Variants in LIN54 observed in about 807,000 individuals in gnomAD.
LIN54 encodes the protein lin-54 DREAM MuvB core complex component.
In LIN54, 9 loss-of-function variants were observed where a neutral mutation model predicts 78.7. The observed-to-expected ratio is 0.11, with a 90% CI of 0.07 to 0.20. The LOEUF is 0.20. Among genes scored for constraint, LIN54 ranks in the 10% least tolerant of loss-of-function variants. The pLI, the probability that LIN54 is intolerant of heterozygous loss-of-function variation, is 1.00. For missense variants in LIN54, 573 were observed against 889.9 expected, an observed-to-expected ratio of 0.64 and a Z score of 4.53; for synonymous variants, 269 against 318.4, an observed-to-expected ratio of 0.84 and a Z score of 1.65.
intron 1 of LIN54, among the ~76,000 whole-genome samples, chr4:82,992,609 C>A (rs1448861142): frequency 2.0e-5 from 3 of 152,196 alleles, no homozygotes; most frequent in African/African-American, 4.8e-5. Flanking sequence ...AACCACGACA[C>A]AGTGGCGTGA....
intron 4 of LIN54, among the ~76,000 whole-genome samples, chr4:82,959,704 T>C (rs1294949809): frequency 6.6e-6 from 1 of 152,164 alleles, no homozygotes; most frequent in African/African-American, 2.4e-5. Context: ...CAAAAATTAC[T>C]TCTTGTGTCC....
upstream of LIN54, among the ~76,000 whole-genome samples, chr4:83,012,292 G>T (rs1290704961): frequency 1.3e-5 from 2 of 152,244 alleles, no homozygotes; most frequent in Non-Finnish European, 1.5e-5. Flanking sequence ...TTGGCTGGTG[G>T]GCTTCGCGAG....
intron 5 of LIN54, among the ~76,000 whole-genome samples, chr4:82,944,330 C>T (rs371299490): frequency 6.6e-5 from 10 of 152,162 alleles, no homozygotes; most frequent in African/African-American, 2.4e-4. Context: ...TACAAACACA[C>T]ACATAAAATA....
chr4:82,934,177 TG>T (rs2126031209), intron 11 of LIN54, among the ~76,000 whole-genome samples: 2 of 152,204 alleles, frequency 1.3e-5, no homozygotes, highest in East Asian at 3.9e-4. Context: ...GGCTGATGGG[TG>T]GGCGGATCAC....
chr4:82,958,070 T>C (rs1724485431), intron 4 of LIN54, among the ~76,000 whole-genome samples: 1 of 152,212 alleles, frequency 6.6e-6, no homozygotes, highest in African/African-American at 2.4e-5. Flanking sequence ...TTGCAAGCTG[T>C]TCAACGTAAG....
At position 82,984,320 on chromosome 4, in the gene LIN54, A is replaced by G. The variant is rs780596152; in HGVS notation, c.525T>C (p.Asp175=). 6.2e-7 allele frequency: 1 copy of G among 1,614,110 alleles called. No individual in the cohort carries two copies. Among genetic ancestry groups the G allele is most frequent in the Non-Finnish European group, 8.5e-7 (1 of 1,180,028 alleles). The change falls in exon 2 of 13, where the codon GAT becomes GAC. Residue 175 remains aspartate (D), a synonymous_variant. Transcript: ENST00000340417. The stretch of plus-strand genomic sequence containing the variant: ...TAATTTGCTGCGGTGGTAACTTAGC[A>G]TCTCCTGACTGGGCCTGAGTTGTAA... The part of the protein sequence containing the change: ...QKVTTQAQSG[D]AKLPPQQIKV...
chr4:82,945,187 T>A (rs1723259033), intron 5 of LIN54, among the ~76,000 whole-genome samples: 1 of 152,110 alleles, frequency 6.6e-6, no homozygotes, highest in Admixed American at 6.5e-5. Flanking sequence ...AATCAAAGAG[T>A]AACCAACTAG....
chr4:82,972,083 C>T (rs915270038), intron 3 of LIN54, among the ~76,000 whole-genome samples: 5 of 152,158 alleles, frequency 3.3e-5, no homozygotes, highest in Non-Finnish European at 7.3e-5. Context: ...AGACAGGGGT[C>T]TCCCTCAGTC....
chr4:82,974,345 T>C (rs1281768783), intron 3 of LIN54, among the ~76,000 whole-genome samples: 3 of 151,924 alleles, frequency 2.0e-5, no homozygotes, highest in South Asian at 2.1e-4. Context: ...CATAAATACA[T>C]TGGAACATAA....
Position 82,958,488 on chromosome 4 carries a change from A to G in LIN54, c.951+11839T>C, listed in dbSNP as rs1434766378. 2.6e-5 allele frequency among the ~76,000 whole-genome samples: 4 copies of G among 152,094 alleles called. No individual in the cohort carries two copies. In the South Asian group the frequency reaches 6.2e-4, roughly 24 times the overall value. ...CTTCCAGCTCACTGGAATGGCAATA[A>G]CCATCAGGGAGACTGGAAATATCAC... On this transcript the variant is annotated intron_variant, in intron 4 of 12. Coordinates refer to ENST00000340417, the MANE Select transcript of LIN54 (RefSeq NM_194282.4).
At chr4:82,997,793 G>C (rs907136800) in intron 1 of LIN54, among the ~76,000 whole-genome samples, 1 of 151,456 alleles carries the variant, frequency 6.6e-6, no homozygotes, top group South Asian at 2.1e-4. Context: ...AGGAGTTTGA[G>C]ACCAGCCTGG....
chr4:82,924,860 T>TACAA lies in LIN54; in HGVS notation c.*3238_*3241dup, dbSNP rs1283722231. 4 of 152,656 alleles carry TACAA rather than the reference T, an allele frequency of 2.6e-5. No individual in the cohort carries two copies. The highest frequency in any genetic ancestry group is 5.9e-5 in the Non-Finnish European group (4 of 68,040). The allele number at this position is 152,656 out of a possible 1,614,324, so 9.5% of individuals were successfully genotyped here. A position where few individuals can be genotyped will look rare whatever the true frequency, so the allele number is the denominator to read the frequency against. On this transcript the variant is annotated 3_prime_UTR_variant, in exon 13 of 13. Coordinates refer to ENST00000340417, the MANE Select transcript of LIN54 (RefSeq NM_194282.4). The stretch of plus-strand genomic sequence containing the variant: ...ATTCCTATATAAAATGCTTAAGAGA[T>TACAA]ACAACATGATCAAAGTTATGGCCGG...
upstream of LIN54, among the ~76,000 whole-genome samples, chr4:83,011,783 G>A (rs1729868220): frequency 6.8e-6 from 1 of 146,202 alleles, no homozygotes; most frequent in South Asian, 2.2e-4. Flanking sequence ...CAAAACATAA[G>A]CTGCAAGGCT....
rs1310398465 is a variant in LIN54 at position 82,998,320 on chromosome 4, A to G, written c.-33+12164T>C. Reference sequence around the variant, plus strand: ...AGCACTTTGGGAGGCTGAGGCGGACAGATCACGAGGTCAGGAGTTCAAGAA... The same window carrying G: ...AGCACTTTGGGAGGCTGAGGCGGACGGATCACGAGGTCAGGAGTTCAAGAA... On this transcript the variant is annotated intron_variant, in intron 1 of 12. Coordinates refer to ENST00000340417, the MANE Select transcript of LIN54 (RefSeq NM_194282.4). Among the ~76,000 whole-genome samples the G allele has an allele frequency of 5.2e-3, 789 of 151,594 alleles. 6 individuals carry two copies. Among genetic ancestry groups the G allele is most frequent in the Non-Finnish European group, 7.5e-3 (510 of 67,714 alleles).
At chr4:83,006,178 A>T (rs1729344770) in intron 1 of LIN54, among the ~76,000 whole-genome samples, 1 of 152,100 alleles carries the variant, frequency 6.6e-6, no homozygotes, top group South Asian at 2.1e-4. Flanking sequence ...GGCTGGGTGC[A>T]GTGGCTCACG....
intron 4 of LIN54, among the ~76,000 whole-genome samples, chr4:82,956,941 C>T (rs1724386195): frequency 1.3e-5 from 2 of 152,032 alleles, no homozygotes. Flanking sequence ...ACTTCTTTAT[C>T]CTGGCTAATG....
intron 1 of LIN54, among the ~76,000 whole-genome samples, chr4:82,989,919 A>G (rs901334919): frequency 6.6e-6 from 1 of 152,218 alleles, no homozygotes; most frequent in African/African-American, 2.4e-5. Context: ...GCCTTTCAGC[A>G]GAGCAGGGGC....
At chr4:82,953,444 C>T (rs528182400) in intron 4 of LIN54, among the ~76,000 whole-genome samples, 65 of 152,076 alleles carry the variant, frequency 4.3e-4, no homozygotes, top group Non-Finnish European at 6.2e-4. Flanking sequence ...TCCTATATTA[C>T]GTATATTTTG....
At chr4:83,010,018 A>G (rs891294323) in intron 1 of LIN54, among the ~76,000 whole-genome samples, 1 of 152,240 alleles carries the variant, frequency 6.6e-6, no homozygotes, top group Non-Finnish European at 1.5e-5. Context: ...AGGATAACAG[A>G]GCATTAAAAA....
Sources: allele counts gnomAD v4.1 joint callset (sites outside exome capture counted in the v4.1 genomes callset), GRCh38; gene constraint gnomAD v4.1.1; transcripts MANE v1.5; gene names NCBI Gene and HGNC (gene_info 2026-07-23, HGNC 2026-07-21).